Variants in TUSC3 observed in about 807,000 individuals in gnomAD.
The protein encoded by TUSC3 is tumor suppressor candidate 3, also known as dolichyl-diphosphooligosaccharide--protein glycosyltransferase subunit TUSC3.
Under a neutral mutation model 44.8 loss-of-function variants are expected in TUSC3, and 45 were observed. That is an observed-to-expected ratio of 1.00 (90% CI 0.79 to 1.29). The LOEUF (loss-of-function observed/expected upper bound fraction) is 1.29, where lower values mean the gene tolerates loss of function less well. TUSC3 is among the 50% of genes most tolerant of loss of function. The probability of loss-of-function intolerance (pLI) is 0.00; values close to 1 mark genes in which losing one functional copy is unlikely to be tolerated. For missense variants in TUSC3, 519 were observed against 437.9 expected (o/e 1.19, Z -1.65); for synonymous variants, 212 against 152.9 (o/e 1.39, Z -2.85).
intron 2 of TUSC3, among the ~76,000 whole-genome samples, chr8:15,645,469 C>G (rs1246955522): frequency 6.6e-6 from 1 of 152,046 alleles, no homozygotes; most frequent in African/African-American, 2.4e-5. Flanking sequence ...TTCCAGCTCA[C>G]TATTATCTCA....
At chr8:15,691,901 C>T (rs1808917601) in intron 6 of TUSC3, among the ~76,000 whole-genome samples, 2 of 152,050 alleles carry the variant, frequency 1.3e-5, no homozygotes, top group Non-Finnish European at 2.9e-5. Flanking sequence ...GCCTCAGCCT[C>T]ACCCAAGTAA....
At chr8:15,809,152 C>T in the TUSC3 span, among the ~76,000 whole-genome samples, 13,663 of 152,056 alleles carry the variant, frequency 0.09, 1,187 homozygotes, top group African/African-American at 0.23. Context: ...TTTATGTCAA[C>T]GGCAGGAGGA....
At chr8:15,511,807 A>G (rs1264766323) in intron 2 of TUSC3, among the ~76,000 whole-genome samples, 1 of 151,950 alleles carries the variant, frequency 6.6e-6, no homozygotes, top group East Asian at 1.9e-4. Context: ...GGAGGCGAAC[A>G]TTGCAGTGAG....
chr8:15,698,229 C>G (rs533362999), intron 6 of TUSC3, among the ~76,000 whole-genome samples: 1 of 152,204 alleles, frequency 6.6e-6, no homozygotes, highest in African/African-American at 2.4e-5. Context: ...TGCTGTAATT[C>G]TCTCCCAAAG....
chr8:15,851,981 T>C, the TUSC3 span, among the ~76,000 whole-genome samples: 9 of 152,228 alleles, frequency 5.9e-5, no homozygotes, highest in African/African-American at 1.4e-4. Flanking sequence ...TCTCATTTTT[T>C]CTCTTGTCTC....
At chr8:15,841,080 C>T in the TUSC3 span, among the ~76,000 whole-genome samples, 1 of 151,942 alleles carries the variant, frequency 6.6e-6, no homozygotes, top group Non-Finnish European at 1.5e-5. Context: ...GAAGTTGTTC[C>T]CTAGTTTGGC....
chr8:15,451,997 G>C (rs1800201500), intron 1 of TUSC3, among the ~76,000 whole-genome samples: 1 of 152,140 alleles, frequency 6.6e-6, no homozygotes, highest in Admixed American at 6.5e-5. Context: ...AGCCAAAAGA[G>C]TGATGATGTC....
the TUSC3 span, among the ~76,000 whole-genome samples, chr8:15,825,234 G>C: frequency 1.3e-5 from 2 of 152,050 alleles, no homozygotes; most frequent in Admixed American, 6.6e-5. Context: ...TCATGCTGCT[G>C]ATAAAGACAT....
At chr8:15,678,167 T>TA in intron 6 of TUSC3, among the ~76,000 whole-genome samples, 1 of 152,290 alleles carries the variant, frequency 6.6e-6, no homozygotes, top group East Asian at 1.9e-4. Context: ...GGAGCTGAGG[T>TA]ATATATACGC....
intron 2 of TUSC3, among the ~76,000 whole-genome samples, chr8:15,534,361 G>A (rs555292014): frequency 1.3e-4 from 19 of 151,944 alleles, no homozygotes; most frequent in East Asian, 1.9e-4. Context: ...AACTTTAGCC[G>A]GGCTGGGCGC....
the TUSC3 span, among the ~76,000 whole-genome samples, chr8:15,791,450 G>A: frequency 6.6e-6 from 1 of 152,114 alleles, no homozygotes; most frequent in African/African-American, 2.4e-5. Flanking sequence ...CTGCTCATCT[G>A]AATGTGTGGT....
intron 1 of TUSC3, among the ~76,000 whole-genome samples, chr8:15,607,847 T>C (rs76172162): frequency 0.03 from 4,529 of 152,296 alleles, 85 homozygotes; most frequent in African/African-American, 0.045. Flanking sequence ...TTTGTACTTT[T>C]ACATTTCCTC....
At chr8:15,439,704 T>C (rs1166279926) in intron 1 of TUSC3, among the ~76,000 whole-genome samples, 3 of 152,212 alleles carry the variant, frequency 2.0e-5, no homozygotes, top group Admixed American at 6.5e-5. Flanking sequence ...TACAGAGTAG[T>C]TCTTTTTTAT....
chr8:15,555,118 T>C (rs1202741807), intron 1 of TUSC3, among the ~76,000 whole-genome samples: 1 of 144,732 alleles, frequency 6.9e-6, no homozygotes, highest in Non-Finnish European at 1.5e-5. Flanking sequence ...GGTACGTAGG[T>C]GACAATATTA....
intron 8 of TUSC3, among the ~76,000 whole-genome samples, chr8:15,747,798 G>C (rs910075899): frequency 1.3e-5 from 2 of 152,022 alleles, no homozygotes; most frequent in Non-Finnish European, 2.9e-5. Flanking sequence ...ACCTGCCATG[G>C]AGGGAGTTTT....
At chr8:15,754,356 C>T (rs1383225929) in intron 9 of TUSC3, among the ~76,000 whole-genome samples, 1 of 151,942 alleles carries the variant, frequency 6.6e-6, no homozygotes, top group Non-Finnish European at 1.5e-5. Flanking sequence ...AGTAGGCTGA[C>T]AAGAGGAGAA....
chr8:15,827,874 A>C, the TUSC3 span, among the ~76,000 whole-genome samples: 6 of 152,240 alleles, frequency 3.9e-5, no homozygotes, highest in Admixed American at 2.6e-4. Flanking sequence ...GATAGGGTGA[A>C]TATATGCAGG....
chr8:15,424,160 T>C (rs542511726), intron 1 of TUSC3, among the ~76,000 whole-genome samples: 3 of 151,970 alleles, frequency 2.0e-5, no homozygotes, highest in Non-Finnish European at 4.4e-5. Flanking sequence ...AGCAAAGTTT[T>C]GTATTTTTAG....
At chr8:15,462,421 A>T (rs1219195058) in intron 1 of TUSC3, among the ~76,000 whole-genome samples, 1 of 152,078 alleles carries the variant, frequency 6.6e-6, no homozygotes, top group African/African-American at 2.4e-5. Context: ...GAGATAGGTA[A>T]ACTGACACTC....
Sources: allele counts gnomAD v4.1 joint callset (sites outside exome capture counted in the v4.1 genomes callset), GRCh38; gene constraint gnomAD v4.1.1; transcripts MANE v1.5; gene names NCBI Gene and HGNC (gene_info 2026-07-23, HGNC 2026-07-21).